The following CCDC22 variants were observed in gnomAD, a reference collection of about 807,000 sequenced individuals.
CCDC22 encodes coiled-coil domain-containing protein 22.
CCDC22 carries 4 observed loss-of-function variants against 53.1 expected under a neutral mutation model. The ratio of observed to expected loss-of-function variants is 0.08; its 90% confidence interval spans 0.04 to 0.17. CCDC22 has a LOEUF of 0.17. Among genes scored for constraint, CCDC22 ranks in the 10% least tolerant of loss-of-function variants. The pLI is 1.00. For missense variants in CCDC22, 458 were observed against 554.0 expected (o/e 0.83, Z 1.74); for synonymous variants, 222 against 224.4 (o/e 0.99, Z 0.10).
At chrX:49,241,795 G>C in intron 2 of CCDC22, among the ~76,000 whole-genome samples, 1 of 111,343 alleles carries the variant, frequency 9.0e-6, no homozygotes, top group Non-Finnish European at 1.9e-5. Flanking sequence ...TCTGGATTTT[G>C]AGTCATAGAA....
Position 49,248,838 on chromosome X carries a change from C to T in CCDC22, c.1453C>T (p.Pro485Ser), listed in dbSNP as rs2066006530. 8.3e-7 allele frequency: 1 copy of T among 1,208,633 alleles called. No individual in the cohort carries two copies. Among genetic ancestry groups the T allele is most frequent in the Admixed American group, 2.2e-5 (1 of 45,650 alleles). Residue 485 changes from proline (P) to serine (S), a missense_variant, in exon 13 of 17, where the codon CCC becomes TCC. This residue lies in a region of CCDC22 where 48 missense variants were observed against 83.4 expected (regional missense o/e 0.58). Transcript: ENST00000376227. The stretch of plus-strand genomic sequence containing the variant: ...CTAGATGTCAGAGCTGGAGACTCTG[C>T]CCAGAGATGTGTCCCGGCTGGCCTA... The part of the protein sequence containing the change: ...KQLMSELETL[P>S]RDVSRLAYTQ...
At chrX:49,247,329 G>A (rs1418795060) in intron 7 of CCDC22, among the ~76,000 whole-genome samples, 167 bp from the exon 8 acceptor site, 2 of 112,826 alleles carry the variant, frequency 1.8e-5, no homozygotes, top group South Asian at 3.6e-4. Flanking sequence ...ACTCTGGCCC[G>A]AGGTTGCAGA....
chrX:49,250,246 G>T lies in CCDC22; in HGVS notation c.1869G>T (p.Arg623=), dbSNP rs1557115220. Residue 623 remains arginine (R), a synonymous_variant, in exon 17 of 17, where the codon CGG becomes CGT. Coordinates refer to ENST00000376227, the MANE Select transcript of CCDC22 (RefSeq NM_014008.5). ...AGGAGAACGCTGGCCTCCTAGGCCG[G>T]GTCCGGGAGGCCTGAGGAGCCGCCG... ...LRQENAGLLG[R]VREA is the part of the protein sequence containing the mutation. 1 of 1,135,091 alleles carries T rather than the reference G, an allele frequency of 8.8e-7. No individual in the cohort carries two copies. Among genetic ancestry groups the T allele is most frequent in the Non-Finnish European group, 1.2e-6 (1 of 844,363 alleles). The allele number at this position is 1,135,091 out of a possible 1,213,427, so 93.5% of individuals were successfully genotyped here. A position where few individuals can be genotyped will look rare whatever the true frequency, so the allele number is the denominator to read the frequency against.
chrX:49,240,525 G>T (rs1557113239), intron 2 of CCDC22, among the ~76,000 whole-genome samples: 1 of 111,802 alleles, frequency 8.9e-6, no homozygotes, highest in East Asian at 2.8e-4. Flanking sequence ...CTGCACTCCA[G>T]CCTGAGCGAC....
At position 49,243,136 on chromosome X, in the gene CCDC22, C is replaced by A; in HGVS notation, c.487C>A (p.Pro163Thr). The A allele has an allele frequency of 8.3e-7, 1 of 1,211,520 alleles. No individual in the cohort carries two copies. The highest frequency in any genetic ancestry group is 1.1e-6 in the Non-Finnish European group (1 of 895,163). The change falls in exon 5 of 17, where the codon CCT (proline) becomes ACT (threonine). Residue 163 changes from proline to threonine, a missense_variant. Physicochemically the swap from Pro to Thr is conservative, Grantham distance 38. Coordinates refer to ENST00000376227, the MANE Select transcript of CCDC22 (RefSeq NM_014008.5). ...CCACCAGGGCTCGGCCCTCCAGAAG[C>A]CTTTCCATGCCAGCAGGCTGGTCGT... ...QHLQGSALQK[P>T]FHASRLVVPE...
chrX:49,245,239 C>T (rs1422323600), intron 6 of CCDC22, among the ~76,000 whole-genome samples: 1 of 111,161 alleles, frequency 9.0e-6, no homozygotes, highest in Non-Finnish European at 1.9e-5. Flanking sequence ...GTCTCCTCTT[C>T]CTCTGTGTCC....
chrX:49,247,639 G>A lies in CCDC22; in HGVS notation c.973-10G>A. On this transcript the variant is annotated splice_polypyrimidine_tract_variant and intron_variant, in intron 8 of 16. Coordinates refer to ENST00000376227, the MANE Select transcript of CCDC22 (RefSeq NM_014008.5). ...TGACACCCCAACCCTGACTGGCCTG[G>A]GCCTCCCAGGTCACGTGGGCAGCTC... is the stretch of plus-strand genomic sequence containing the variant. 4 of 1,189,311 alleles carry A rather than the reference G, an allele frequency of 3.4e-6. No homozygotes were observed. In the Admixed American group the frequency reaches 9.5e-5, roughly 28 times the overall value.
At chrX:49,249,020 C>T in intron 13 of CCDC22, 96 bp downstream of exon 13, 1 of 1,130,005 alleles carries the variant, frequency 8.8e-7, no homozygotes, top group Non-Finnish European at 1.2e-6. Context: ...GCTGTCCAGT[C>T]ACACTCTAAC....
chrX:49,238,104 C>G (rs1557112978), intron 2 of CCDC22, among the ~76,000 whole-genome samples: 2 of 91,883 alleles, frequency 2.2e-5, no homozygotes, highest in Admixed American at 2.5e-4. Flanking sequence ...TGTGAAGTCT[C>G]TCTCTGTCAC....
chrX:49,244,512 C>T (rs190133475), intron 6 of CCDC22, among the ~76,000 whole-genome samples: 17 of 110,503 alleles, frequency 1.5e-4, no homozygotes, highest in Admixed American at 9.7e-4. Context: ...TCTCTGTCCA[C>T]CTCTGTATTT....
chrX:49,250,243 C>G lies in CCDC22; in HGVS notation c.1866C>G (p.Gly622=), dbSNP rs1277420741. ...ALRQENAGLL[G]RVREA ...GCCAGGAGAACGCTGGCCTCCTAGG[C>G]CGGGTCCGGGAGGCCTGAGGAGCCG... Residue 622 remains glycine (G), a synonymous_variant, in exon 17 of 17, where the codon GGC becomes GGG. Transcript: ENST00000376227. 1.7e-6 allele frequency: 2 copies of G among 1,142,967 alleles called. No individual in the cohort carries two copies. The highest frequency in any genetic ancestry group is 3.6e-5 in the African/African-American group (2 of 55,507). 94.2% of individuals were successfully genotyped at this position (1,142,967 alleles called of 1,213,427 possible).
chrX:49,247,795 T>A, intron 9 of CCDC22, 27 bp downstream of exon 9: 5 of 1,207,875 alleles, frequency 4.1e-6, no homozygotes, highest in Non-Finnish European at 5.6e-6. Flanking sequence ...GGGCTGCGCG[T>A]TGGGCTAGGT....
intron 3 of CCDC22, 37 bp downstream of exon 3, chrX:49,242,185 G>A: frequency 2.5e-6 from 3 of 1,207,637 alleles, no homozygotes; most frequent in South Asian, 3.5e-5. Context: ...GGGCGGTGAG[G>A]GGAGAGGAGG....
At chrX:49,238,072 T>C (rs2065946703) in intron 2 of CCDC22, among the ~76,000 whole-genome samples, 1 of 101,313 alleles carries the variant, frequency 9.9e-6, no homozygotes, top group African/African-American at 4.1e-5. Context: ...CTTTTCTTTT[T>C]TTCTTTTTTT....
chrX:49,240,489 G>A (rs1372025598), intron 2 of CCDC22, among the ~76,000 whole-genome samples: 1 of 111,533 alleles, frequency 9.0e-6, no homozygotes, highest in African/African-American at 3.3e-5. Context: ...AGGAGGCGGA[G>A]GTTCCAGTGA....
rs1557115261 is a variant in CCDC22 at position 49,250,401 on chromosome X, T to C, written c.*140T>C. The C allele has an allele frequency of 1.9e-6, 1 of 514,617 alleles. No homozygotes were observed. The highest frequency in any genetic ancestry group is 2.3e-5 in the African/African-American group (1 of 43,422). The allele number at this position is 514,617 out of a possible 1,213,427, so 42.4% of individuals were successfully genotyped here. A position where few individuals can be genotyped will look rare whatever the true frequency, so the allele number is the denominator to read the frequency against. On this transcript the variant is annotated 3_prime_UTR_variant, in exon 17 of 17. Coordinates refer to ENST00000376227, the MANE Select transcript of CCDC22 (RefSeq NM_014008.5). ...GCCTTGGACCCAGACCCCTGCCCAC[T>C]GACCGCAACCCTTATATGGGGTGAT... is the stretch of plus-strand genomic sequence containing the variant.
In CCDC22 at chrX:49,235,770, C is replaced by G. The variant is rs1345287960; in HGVS notation, c.50+84C>G. The stretch of plus-strand genomic sequence containing the variant: ...ACCCCGTTTCCCGGGAACCTTAAAA[C>G]CCGGGATCCTGACATTCAGGGCTCC... On this transcript the variant is annotated intron_variant, in intron 1 of 16. Transcript: ENST00000376227. 3.6e-6 allele frequency: 3 copies of G among 840,205 alleles called. No individual in the cohort carries two copies. The African/African-American group carries it at 6.4e-5, about 18-fold the overall frequency. The allele number at this position is 840,205 out of a possible 1,213,427, so 69.2% of individuals were successfully genotyped here. A position where few individuals can be genotyped will look rare whatever the true frequency, so the allele number is the denominator to read the frequency against.
chrX:49,243,891 C>T (rs782051203), intron 6 of CCDC22, among the ~76,000 whole-genome samples: 67 of 112,231 alleles, frequency 6.0e-4, no homozygotes, highest in African/African-American at 1.9e-3. Flanking sequence ...CGGGTTCAAG[C>T]GATTCTCCTG....
intron 9 of CCDC22, 121 bp downstream of exon 9, chrX:49,247,889 G>A: frequency 1.1e-6 from 1 of 919,267 alleles, no homozygotes; most frequent in East Asian, 3.3e-5. Flanking sequence ...AGGGTTCCTG[G>A]GAGCCATTAG....
Sources: allele counts gnomAD v4.1 joint callset (sites outside exome capture counted in the v4.1 genomes callset), GRCh38; gene constraint gnomAD v4.1.1; regional missense constraint gnomAD v4.1.1; transcripts MANE v1.5; gene names NCBI Gene and HGNC (gene_info 2026-07-23, HGNC 2026-07-21).